MAGI2: variants seen among roughly 807,000 people sequenced by gnomAD.
The protein encoded by MAGI2 is membrane associated guanylate kinase, WW and PDZ domain containing 2.
A neutral mutation model predicts 133.3 loss-of-function variants in MAGI2; 35 were observed. That is an observed-to-expected ratio of 0.26 (90% CI 0.20 to 0.35). The LOEUF is 0.35. MAGI2 is among the 10% of genes least tolerant of loss of function. The probability of loss-of-function intolerance (pLI) is 1.00; values close to 1 mark genes in which losing one functional copy is unlikely to be tolerated. For missense variants in MAGI2, 1,636 were observed against 1,863.4 expected (o/e 0.88, Z 2.25); for synonymous variants, 729 against 710.6 (o/e 1.03, Z -0.41).
At chr7:78,685,779 G>C (rs1382898209) in intron 2 of MAGI2, among the ~76,000 whole-genome samples, 1 of 151,826 alleles carries the variant, frequency 6.6e-6, no homozygotes, top group Non-Finnish European at 1.5e-5. Context: ...GAGAGACAAG[G>C]AGAGAGAGGG....
chr7:79,003,536 G>A lies in MAGI2; in HGVS notation c.418+3554C>T, dbSNP rs574183335. On this transcript the variant is annotated intron_variant, in intron 2 of 21. Coordinates refer to ENST00000354212, the MANE Select transcript of MAGI2 (RefSeq NM_012301.4). Reference sequence around the variant, plus strand: ...CTTCAGTAGTCTGTTTTCCTTCTACGCTGCTGGGTTCATGAAAACCAATGA... The same window carrying A: ...CTTCAGTAGTCTGTTTTCCTTCTACACTGCTGGGTTCATGAAAACCAATGA... Among the ~76,000 whole-genome samples the A allele has an allele frequency of 5.9e-5, 9 of 152,234 alleles. No homozygotes were observed. The South Asian group carries it at 1.0e-3, about 18-fold the overall frequency.
At chr7:78,096,954 A>T (rs896394832) in intron 20 of MAGI2, among the ~76,000 whole-genome samples, 17 of 152,200 alleles carry the variant, frequency 1.1e-4, no homozygotes, top group African/African-American at 3.9e-4. Flanking sequence ...ATCTATAAGG[A>T]ACTTAACTTT....
chr7:78,702,831 G>T lies in MAGI2; in HGVS notation c.419-75592C>A, dbSNP rs577093261. On this transcript the variant is annotated intron_variant, in intron 2 of 21. Transcript: ENST00000354212. ...ATTCAATTTTGGACACAGAGTGTTT[G>T]TGAGTATTTGTGAACAATTGGGTGG... 8.5e-5 allele frequency among the ~76,000 whole-genome samples: 13 copies of T among 152,110 alleles called. No homozygotes were observed. The South Asian group carries it at 1.5e-3, about 17-fold the overall frequency.
chr7:79,243,908 A>G (rs1832621436), intron 1 of MAGI2, among the ~76,000 whole-genome samples: 1 of 152,204 alleles, frequency 6.6e-6, no homozygotes, highest in South Asian at 2.1e-4. Flanking sequence ...ATGGTGTCTA[A>G]AACTTACTTG....
At chr7:79,278,542 C>T (rs1835408083) in intron 1 of MAGI2, among the ~76,000 whole-genome samples, 1 of 152,108 alleles carries the variant, frequency 6.6e-6, no homozygotes, top group Non-Finnish European at 1.5e-5. Context: ...GATATTGTTT[C>T]CCCTTTCAAG....
At chr7:78,252,155 A>G (rs1792457441) in intron 10 of MAGI2, 1 of 151,862 alleles carries the variant, frequency 6.6e-6, no homozygotes, top group East Asian at 1.9e-4. Context: ...AAAAAAAAAA[A>G]AAAGGAACAA....
Position 78,755,900 on chromosome 7 carries a change from C to G in MAGI2, c.419-128661G>C, listed in dbSNP as rs1823899972. Among the ~76,000 whole-genome samples the G allele has an allele frequency of 3.3e-5, 5 of 152,156 alleles. No individual in the cohort carries two copies. In the South Asian group the frequency reaches 1.0e-3, roughly 32 times the overall value. On this transcript the variant is annotated intron_variant, in intron 2 of 21. Coordinates refer to ENST00000354212, the MANE Select transcript of MAGI2 (RefSeq NM_012301.4). ...TCCTCCTATTGCCAAAGCTTTTGCA[C>G]TGTGGGTGCAAGAGGGTTGTAGCTT... is the stretch of plus-strand genomic sequence containing the variant.
At chr7:79,193,802 T>C (rs1219390028) in intron 1 of MAGI2, among the ~76,000 whole-genome samples, 1 of 151,902 alleles carries the variant, frequency 6.6e-6, no homozygotes, top group Non-Finnish European at 1.5e-5. Flanking sequence ...TTTTAGAGTT[T>C]TTATTACAAC....
intron 2 of MAGI2, among the ~76,000 whole-genome samples, chr7:78,811,747 G>A (rs979014058): frequency 6.6e-6 from 1 of 152,180 alleles, no homozygotes; most frequent in African/African-American, 2.4e-5. Flanking sequence ...TGTATCCTCT[G>A]AGCTGGAAGA....
chr7:79,133,521 T>G (rs1821122242), intron 1 of MAGI2, among the ~76,000 whole-genome samples: 1 of 152,344 alleles, frequency 6.6e-6, no homozygotes, highest in South Asian at 2.1e-4. Context: ...TCCTTATTTT[T>G]TATACCAGTA....
intron 2 of MAGI2, among the ~76,000 whole-genome samples, chr7:78,855,882 G>T (rs569542679): frequency 6.6e-6 from 1 of 152,186 alleles, no homozygotes; most frequent in East Asian, 1.9e-4. Flanking sequence ...CAGTGTAAAA[G>T]TGTTCCTGTT....
chr7:78,639,422 G>A (rs1207327843), intron 2 of MAGI2, among the ~76,000 whole-genome samples: 4 of 152,114 alleles, frequency 2.6e-5, no homozygotes, highest in Admixed American at 2.6e-4. Context: ...AGAGGGAGGA[G>A]TGAAATATTA....
intron 17 of MAGI2, 114 bp from the exon 18 acceptor site, chr7:78,133,174 C>T (rs934628366): frequency 5.1e-5 from 40 of 783,362 alleles, no homozygotes; most frequent in East Asian, 1.7e-4. Flanking sequence ...TGGTTATTTC[C>T]GTTTCTGCTA....
chr7:79,020,909 G>A (rs540665462), intron 1 of MAGI2, among the ~76,000 whole-genome samples: 1 of 152,232 alleles, frequency 6.6e-6, no homozygotes, highest in Admixed American at 6.5e-5. Flanking sequence ...AGGAAAAATG[G>A]TTTCATTGGC....
chr7:78,899,643 C>T (rs1474937294), intron 2 of MAGI2, among the ~76,000 whole-genome samples: 1 of 152,126 alleles, frequency 6.6e-6, no homozygotes, highest in Non-Finnish European at 1.5e-5. Context: ...ACATTGGAAT[C>T]CCCTGGGAGG....
intron 1 of MAGI2, among the ~76,000 whole-genome samples, chr7:79,345,248 A>T (rs1344128550): frequency 6.6e-6 from 1 of 152,092 alleles, no homozygotes; most frequent in Non-Finnish European, 1.5e-5. Context: ...AGACACATAT[A>T]TCAGGCTAAC....
At chr7:78,778,904 C>A (rs1436985735) in intron 2 of MAGI2, among the ~76,000 whole-genome samples, 1 of 118,458 alleles carries the variant, frequency 8.4e-6, no homozygotes, top group African/African-American at 3.4e-5. Flanking sequence ...CCTTTTCAGC[C>A]TTTTTTTTTT....
At chr7:78,319,486 C>T (rs184672349) in intron 9 of MAGI2, among the ~76,000 whole-genome samples, 1 of 152,280 alleles carries the variant, frequency 6.6e-6, no homozygotes, top group African/African-American at 2.4e-5. Flanking sequence ...CTTAAAACTG[C>T]TCATCTACAT....
At chr7:79,050,837 G>C (rs546810092) in intron 1 of MAGI2, among the ~76,000 whole-genome samples, 1 of 152,122 alleles carries the variant, frequency 6.6e-6, no homozygotes, top group Non-Finnish European at 1.5e-5. Flanking sequence ...TTCAGTTTTC[G>C]CATTGAGAAA....
Sources: allele counts gnomAD v4.1 joint callset (sites outside exome capture counted in the v4.1 genomes callset), GRCh38; gene constraint gnomAD v4.1.1; transcripts MANE v1.5; gene names NCBI Gene and HGNC (gene_info 2026-07-23, HGNC 2026-07-21).